The following SV2C variants were observed in gnomAD, a reference collection of about 807,000 sequenced individuals.
The protein encoded by SV2C is solute carrier family 22 member B3.
A neutral mutation model predicts 79.7 loss-of-function variants in SV2C; 49 were observed. The observed-to-expected ratio is 0.61, with a 90% CI of 0.49 to 0.78. The LOEUF (loss-of-function observed/expected upper bound fraction) is 0.78, where lower values mean the gene tolerates loss of function less well. Among genes scored for constraint, SV2C ranks in the 30% least tolerant of loss-of-function variants. SV2C has a pLI of 0.00. For synonymous variants in SV2C, 334 were observed against 333.2 expected (o/e 1.00, Z -0.03); for missense variants, 833 against 912.9 (o/e 0.91, Z 1.13).
chr5:75,924,772 T>C, the SV2C span, among the ~76,000 whole-genome samples: 1 of 150,292 alleles, frequency 6.7e-6, no homozygotes, highest in African/African-American at 2.4e-5. Context: ...ATATATATAT[T>C]CAAAATGAGT....
At chr5:76,095,283 C>A (rs1377853017) in intron 1 of SV2C, among the ~76,000 whole-genome samples, 2 of 152,002 alleles carry the variant, frequency 1.3e-5, no homozygotes, top group Non-Finnish European at 2.9e-5. Flanking sequence ...AATTGATGAG[C>A]CATTACTGAT....
chr5:75,860,712 A>G, the SV2C span, among the ~76,000 whole-genome samples: 1 of 152,256 alleles, frequency 6.6e-6, no homozygotes, highest in Non-Finnish European at 1.5e-5. Context: ...ACAGTAACCA[A>G]AACAATGTGG....
At chr5:76,011,621 T>C in the SV2C span, among the ~76,000 whole-genome samples, 2 of 152,170 alleles carry the variant, frequency 1.3e-5, no homozygotes. Flanking sequence ...TTATTTATGT[T>C]TTTTTAATAC....
chr5:75,967,642 C>T, the SV2C span, among the ~76,000 whole-genome samples: 17,260 of 152,152 alleles, frequency 0.11, 2,816 homozygotes, highest in African/African-American at 0.36. Context: ...CCGCCATTGC[C>T]GAGGCTTCAG....
chr5:75,860,506 A>G, the SV2C span, among the ~76,000 whole-genome samples: 13 of 152,238 alleles, frequency 8.5e-5, no homozygotes, highest in Non-Finnish European at 1.8e-4. Flanking sequence ...TAAAGTGGCC[A>G]TAGTGCCCAA....
At chr5:76,303,685 T>A (rs1748089361) in intron 12 of SV2C, among the ~76,000 whole-genome samples, 1 of 152,172 alleles carries the variant, frequency 6.6e-6, no homozygotes, top group Non-Finnish European at 1.5e-5. Flanking sequence ...AGGTCCTTCC[T>A]GTGAGAAGTA....
At chr5:75,921,009 G>A in the SV2C span, 139 of 709,538 alleles carry the variant, frequency 2.0e-4, no homozygotes, top group Middle Eastern at 3.7e-4. Flanking sequence ...GAGTCCTCGC[G>A]GTAGTTCTCA....
the SV2C span, among the ~76,000 whole-genome samples, chr5:75,887,396 A>G: frequency 6.7e-6 from 1 of 149,952 alleles, no homozygotes; most frequent in African/African-American, 2.5e-5. Context: ...CCAAGTTTCT[A>G]CTCTCTGCCT....
At chr5:76,248,567 C>T (rs948563677) in intron 4 of SV2C, among the ~76,000 whole-genome samples, 39 of 151,942 alleles carry the variant, frequency 2.6e-4, no homozygotes, top group African/African-American at 9.4e-4. Flanking sequence ...TAAGTTCAGC[C>T]CATAACAGCA....
At chr5:75,908,045 C>T in the SV2C span, among the ~76,000 whole-genome samples, 5 of 152,010 alleles carry the variant, frequency 3.3e-5, no homozygotes, top group Admixed American at 6.6e-5. Flanking sequence ...AGAGAGGGAA[C>T]GTGACTTAAA....
At chr5:75,925,278 C>T in the SV2C span, among the ~76,000 whole-genome samples, 4 of 152,288 alleles carry the variant, frequency 2.6e-5, no homozygotes, top group East Asian at 5.8e-4. Context: ...GCACCTCTGA[C>T]CCCAGGAAAG....
intron 2 of SV2C, among the ~76,000 whole-genome samples, chr5:76,157,455 A>C (rs72773722): frequency 0.025 from 3,732 of 152,084 alleles, 69 homozygotes; most frequent in Non-Finnish European, 0.039. Context: ...AATAATCTGA[A>C]TCTTCAAGAA....
the SV2C span, among the ~76,000 whole-genome samples, chr5:75,854,732 A>G: frequency 1.8e-4 from 27 of 152,124 alleles, no homozygotes; most frequent in Non-Finnish European, 3.2e-4. Flanking sequence ...TCCATGTGTT[A>G]TTTCCTTCTC....
intron 2 of SV2C, among the ~76,000 whole-genome samples, chr5:76,175,044 G>C (rs1253157963): frequency 6.6e-6 from 1 of 151,552 alleles, no homozygotes; most frequent in Non-Finnish European, 1.5e-5. Context: ...CACAGTTCTT[G>C]AGAGAGGCAG....
chr5:75,952,253 T>TCCTA, the SV2C span, among the ~76,000 whole-genome samples: 88 of 78,380 alleles, frequency 1.1e-3, 3 homozygotes, highest in East Asian at 2.6e-3. Context: ...GCATTTTCCT[T>TCCTA]CCTTCCTTCC....
chr5:76,127,021 C>T (rs918979265), intron 1 of SV2C, among the ~76,000 whole-genome samples: 9 of 152,210 alleles, frequency 5.9e-5, no homozygotes, highest in Non-Finnish European at 1.0e-4. Context: ...TTATTGCTAT[C>T]ATTACTCTAT....
intron 2 of SV2C, among the ~76,000 whole-genome samples, chr5:76,159,081 A>G (rs1742822897): frequency 1.3e-5 from 2 of 151,838 alleles, no homozygotes; most frequent in South Asian, 2.1e-4. Context: ...GATAAATTCA[A>G]CACCTTTTCA....
chr5:76,300,750 T>C lies in SV2C; in HGVS notation c.1658T>C (p.Ile553Thr), dbSNP rs1747962705. ...DNTDFEPYKF[I>T]DSEFKNCSFF... Reference sequence around the variant, plus strand: ...ACAGATTTTGAGCCATATAAATTCATTGACAGTGAATTTAAAAACTGCTCG... The same window carrying C: ...ACAGATTTTGAGCCATATAAATTCACTGACAGTGAATTTAAAAACTGCTCG... The change falls in exon 11 of 13, where the codon ATT becomes ACT. Residue 553 changes from isoleucine to threonine, a missense_variant. Physicochemically the swap from Ile to Thr is moderately conservative, Grantham distance 89 (BLOSUM62 -1). Transcript: ENST00000502798. The C allele has an allele frequency of 6.2e-7, 1 of 1,614,092 alleles. No homozygotes were observed. Among genetic ancestry groups the C allele is most frequent in the Middle Eastern group, 1.7e-4 (1 of 6,060 alleles).
chr5:75,866,848 A>G, the SV2C span, among the ~76,000 whole-genome samples: 33 of 152,208 alleles, frequency 2.2e-4, no homozygotes, highest in Non-Finnish European at 1.3e-4. Flanking sequence ...AAAATAAGAC[A>G]GTGAGTCATT....
Sources: allele counts gnomAD v4.1 joint callset (sites outside exome capture counted in the v4.1 genomes callset), GRCh38; gene constraint gnomAD v4.1.1; transcripts MANE v1.5; gene names NCBI Gene and HGNC (gene_info 2026-07-23, HGNC 2026-07-21).